SRRM3: variants seen among roughly 807,000 people sequenced by gnomAD.
The protein encoded by SRRM3 is serine/arginine repetitive matrix protein 3.
Under a neutral mutation model 66.2 loss-of-function variants are expected in SRRM3, and 27 were observed. The ratio of observed to expected loss-of-function variants is 0.41; its 90% confidence interval spans 0.30 to 0.56. The LOEUF (loss-of-function observed/expected upper bound fraction) is 0.56. Ranked by LOEUF, SRRM3 falls within the 20% of genes least tolerant of loss-of-function variation. The probability of loss-of-function intolerance (pLI) is 0.32; values close to 1 mark genes in which losing one functional copy is unlikely to be tolerated. For missense variants in SRRM3, 918 were observed against 991.9 expected (o/e 0.93, Z 1.00); for synonymous variants, 391 against 414.9 (o/e 0.94, Z 0.70).
intron 1 of SRRM3, among the ~76,000 whole-genome samples, chr7:76,215,572 T>A (rs1009555849): frequency 2.0e-5 from 3 of 150,748 alleles, no homozygotes; most frequent in Non-Finnish European, 4.4e-5. Flanking sequence ...GGCTAATTTT[T>A]TTATTATTAT....
At chr7:76,283,991 G>A (rs1381266012) in intron 14 of SRRM3, among the ~76,000 whole-genome samples, 1 of 152,148 alleles carries the variant, frequency 6.6e-6, no homozygotes, top group Admixed American at 6.5e-5. Flanking sequence ...GGCCTCGGTT[G>A]CCACATCTGT....
chr7:76,285,536 G>C lies in SRRM3; in HGVS notation c.1734-79G>C, dbSNP rs1802640514. ...CTAAGGCCAGGGCTCAGGGGAAACTGAGGCAGGAAGCCCTGGCCGCTGCTG... is the reference window on the plus strand; with the variant it reads ...CTAAGGCCAGGGCTCAGGGGAAACTCAGGCAGGAAGCCCTGGCCGCTGCTG... On this transcript the variant is annotated intron_variant, in intron 14 of 14. Coordinates refer to ENST00000611745, the MANE Select transcript of SRRM3 (RefSeq NM_001110199.3). The surrounding 1 kb of genome is among the most constrained non-coding windows in gnomAD (Gnocchi z 4.1). 8.3e-7 allele frequency: 1 copy of C among 1,211,902 alleles called. No homozygotes were observed. 75.1% of individuals were successfully genotyped at this position (1,211,902 alleles called of 1,614,324 possible).
At chr7:76,204,984 T>C (rs1176172361) in intron 1 of SRRM3, among the ~76,000 whole-genome samples, 1 of 152,140 alleles carries the variant, frequency 6.6e-6, no homozygotes, top group Non-Finnish European at 1.5e-5. Flanking sequence ...CTCAGCCTCC[T>C]GCCCCTCAGT....
At position 76,263,875 on chromosome 7, in the gene SRRM3, G is replaced by GCCAAAAAAAAAA. The variant is rs1243393227; in HGVS notation, c.675-890_675-889insCCAAAAAAAAAA. 4.3e-3 allele frequency among the ~76,000 whole-genome samples: 114 copies of GCCAAAAAAAAAA among 26,748 alleles called. 13 individuals carry two copies. Among genetic ancestry groups the GCCAAAAAAAAAA allele is most frequent in the Admixed American group, 9.8e-3 (20 of 2,040 alleles). 17.5% of individuals were successfully genotyped at this position (26,748 alleles called of 152,430 possible). A position where few individuals can be genotyped will look rare whatever the true frequency, so the allele number is the denominator to read the frequency against. ...GCAACAGAGCGGGACTCTGTCTCAA[G>GCCAAAAAAAAAA]ACAAAAAAAAAAAAAAAAAAAAAAA... On this transcript the variant is annotated intron_variant, in intron 8 of 14. Coordinates refer to ENST00000611745, the MANE Select transcript of SRRM3 (RefSeq NM_001110199.3).
rs1554608373 is a variant in SRRM3 at position 76,260,128 on chromosome 7, G to C, written c.476G>C (p.Trp159Ser). ...RGHRGYRTKH[W>S]SSSSASPPPK... Reference sequence around the variant, plus strand: ...CCCTTCTCCCCCAGGACCAAGCATTGGTCTAGCAGCTCGGCATCGCCCCCT... The same window carrying C: ...CCCTTCTCCCCCAGGACCAAGCATTCGTCTAGCAGCTCGGCATCGCCCCCT... Residue 159 changes from tryptophan (W) to serine (S), a missense_variant, in exon 5 of 15, where the codon TGG becomes TCG. Physicochemically the swap from Trp to Ser is radical, Grantham distance 177. Coordinates refer to ENST00000611745, the MANE Select transcript of SRRM3 (RefSeq NM_001110199.3). 6.6e-7 allele frequency: 1 copy of C among 1,505,326 alleles called. No homozygotes were observed. The highest frequency in any genetic ancestry group is 2.3e-5 in the Admixed American group (1 of 42,904). 93.2% of individuals were successfully genotyped at this position (1,505,326 alleles called of 1,614,324 possible). A position where few individuals can be genotyped will look rare whatever the true frequency, so the allele number is the denominator to read the frequency against.
At chr7:76,248,557 G>A (rs1197938139) in intron 3 of SRRM3, among the ~76,000 whole-genome samples, 1 of 152,206 alleles carries the variant, frequency 6.6e-6, no homozygotes, top group African/African-American at 2.4e-5. Flanking sequence ...GCATGGGGAA[G>A]GCAGCCCAGA....
chr7:76,278,877 T>A (rs1028968897), intron 11 of SRRM3, among the ~76,000 whole-genome samples: 4 of 152,180 alleles, frequency 2.6e-5, no homozygotes, highest in African/African-American at 4.8e-5. Context: ...CCCAGGGCCA[T>A]GCCAAGGAAA....
At chr7:76,253,918 A>G (rs767327686) in intron 3 of SRRM3, among the ~76,000 whole-genome samples, 31 of 152,082 alleles carry the variant, frequency 2.0e-4, no homozygotes, top group Non-Finnish European at 4.0e-4. Flanking sequence ...AGGAAGCCTC[A>G]GCCCAGGTCC....
chr7:76,217,536 C>T (rs576107389), intron 1 of SRRM3, among the ~76,000 whole-genome samples: 20 of 152,270 alleles, frequency 1.3e-4, no homozygotes, highest in African/African-American at 4.1e-4. Flanking sequence ...CCACCCACCT[C>T]GGCCTCCCAA....
At chr7:76,255,483 T>A (rs1554607586) in intron 3 of SRRM3, among the ~76,000 whole-genome samples, 1 of 151,436 alleles carries the variant, frequency 6.6e-6, no homozygotes, top group Non-Finnish European at 1.5e-5. Context: ...GCTGTGTCAC[T>A]CAAGCTGGAG....
chr7:76,236,869 G>A (rs556726159), intron 2 of SRRM3, among the ~76,000 whole-genome samples: 11 of 152,268 alleles, frequency 7.2e-5, no homozygotes, highest in Middle Eastern at 3.4e-3. Context: ...TGTGGGTACC[G>A]GAAGAGGGAA....
At chr7:76,267,527 T>G (rs1802101707) in intron 11 of SRRM3, 92 bp downstream of exon 11, 12 of 203,820 alleles carry the variant, frequency 5.9e-5, no homozygotes, top group East Asian at 5.3e-4. Flanking sequence ...GGGCGATAAG[T>G]GTGGCATGGG....
At chr7:76,213,905 G>A (rs1342411095) in intron 1 of SRRM3, among the ~76,000 whole-genome samples, 2 of 152,036 alleles carry the variant, frequency 1.3e-5, no homozygotes, top group African/African-American at 4.8e-5. Flanking sequence ...AAGTAGCTGG[G>A]ACTACAGGTG....
chr7:76,258,713 CAAAAAAAAAAAAA>C (rs201265747), intron 3 of SRRM3, among the ~76,000 whole-genome samples: 3 of 68,284 alleles, frequency 4.4e-5, no homozygotes, highest in South Asian at 5.4e-4. Context: ...GACTCCATCT[CAAAAAAAAAAAAA>C]AAAAAAAGAA....
intron 1 of SRRM3, among the ~76,000 whole-genome samples, chr7:76,222,196 G>C (rs543908079): frequency 5.8e-4 from 88 of 152,226 alleles, no homozygotes; most frequent in Non-Finnish European, 1.1e-3. Flanking sequence ...CAGGAGGGTT[G>C]CTTGAGTCCA....
intron 10 of SRRM3, 71 bp from the exon 11 acceptor site, chr7:76,267,187 A>G: frequency 7.4e-6 from 10 of 1,349,206 alleles, no homozygotes; most frequent in Non-Finnish European, 9.7e-6. Flanking sequence ...AGGGGGAAAG[A>G]GGAGGCGCAA....
intron 3 of SRRM3, among the ~76,000 whole-genome samples, chr7:76,250,096 T>G (rs189788700): frequency 6.6e-6 from 1 of 152,142 alleles, no homozygotes; most frequent in East Asian, 1.9e-4. Flanking sequence ...CAGGCTGGAG[T>G]GCAGTGGCGT....
chr7:76,248,308 G>A lies in SRRM3; in HGVS notation c.335+19G>A, dbSNP rs782716425. Reference sequence around the variant, plus strand: ...GCCACATGTGAGTGCTTACCTGTGTGGGGATGAGGGAGAGGGGGTGCAGGC... The same window carrying A: ...GCCACATGTGAGTGCTTACCTGTGTAGGGATGAGGGAGAGGGGGTGCAGGC... On this transcript the variant is annotated intron_variant, in intron 3 of 14. Coordinates refer to ENST00000611745, the MANE Select transcript of SRRM3 (RefSeq NM_001110199.3). The A allele has an allele frequency of 6.3e-7, 1 of 1,588,396 alleles. No individual in the cohort carries two copies. The highest frequency in any genetic ancestry group is 1.1e-5 in the South Asian group (1 of 89,714).
chr7:76,205,859 A>G (rs1554601089), intron 1 of SRRM3, among the ~76,000 whole-genome samples: 1 of 152,268 alleles, frequency 6.6e-6, no homozygotes, highest in African/African-American at 2.4e-5. Context: ...CTCAGCTCCA[A>G]TAAATCAAAG....
Sources: allele counts gnomAD v4.1 joint callset (sites outside exome capture counted in the v4.1 genomes callset), GRCh38; gene constraint gnomAD v4.1.1; non-coding constraint Gnocchi (gnomAD v3.1); transcripts MANE v1.5; gene names NCBI Gene and HGNC (gene_info 2026-07-23, HGNC 2026-07-21).